Variants in DCC observed in about 807,000 individuals in gnomAD.
The protein encoded by DCC is DCC netrin 1 receptor, also known as netrin receptor DCC.
DCC carries 58 observed loss-of-function variants against 172.5 expected under a neutral mutation model. That is an observed-to-expected ratio of 0.34 (90% confidence interval 0.27 to 0.42). DCC has a LOEUF of 0.42. Ranked by LOEUF, DCC falls within the 10% of genes least tolerant of loss-of-function variation. The pLI is 1.00. For missense variants in DCC, 1,740 were observed against 1,791.0 expected (o/e 0.97, Z 0.51); for synonymous variants, 709 against 644.5 (o/e 1.10, Z -1.52).
At chr18:52,494,264 ATG>A (rs10633986) in intron 1 of DCC, among the ~76,000 whole-genome samples, 9,253 of 147,438 alleles carry the variant, frequency 0.063, 531 homozygotes, top group South Asian at 0.13. Context: ...ATGGTTTGTG[ATG>A]TGTGTGTGTG....
intron 1 of DCC, among the ~76,000 whole-genome samples, chr18:52,583,505 A>G (rs72913000): frequency 0.27 from 41,683 of 152,096 alleles, 6,560 homozygotes; most frequent in Middle Eastern, 0.38. Context: ...ATCTCTTTCT[A>G]TTTATCTATA....
intron 5 of DCC, among the ~76,000 whole-genome samples, chr18:52,952,702 T>C (rs901736319): frequency 6.6e-6 from 1 of 152,146 alleles, no homozygotes; most frequent in Non-Finnish European, 1.5e-5. Context: ...TTCTCACTTA[T>C]TTAAATCCTA....
At chr18:53,076,967 C>A (rs551337625) in intron 7 of DCC, among the ~76,000 whole-genome samples, 151 of 152,246 alleles carry the variant, frequency 9.9e-4, no homozygotes, top group African/African-American at 3.5e-3. Flanking sequence ...CATTTGTGCA[C>A]CTTTATGCCA....
intron 9 of DCC, among the ~76,000 whole-genome samples, chr18:53,197,176 T>C (rs972413677): frequency 1.3e-5 from 2 of 152,110 alleles, no homozygotes; most frequent in African/African-American, 4.8e-5. Context: ...CAATGGAAGC[T>C]GCTGCTTAAA....
chr18:53,480,018 G>A (rs1328241002), intron 25 of DCC, among the ~76,000 whole-genome samples: 2 of 152,120 alleles, frequency 1.3e-5, no homozygotes, highest in Non-Finnish European at 2.9e-5. Flanking sequence ...GGAATTCCAT[G>A]GAACCAGATC....
At position 52,675,432 on chromosome 18, in the gene DCC, C is replaced by G. The variant is rs541511894; in HGVS notation, c.92-76622C>G. On this transcript the variant is annotated intron_variant, in intron 1 of 28. Transcript: ENST00000442544. ...AATCTGCTCTTTAAGCTGGAAGCCC[C>G]CCACACCAACTTCAAGTTGTTCCAC... Among the ~76,000 whole-genome samples, 3 of 152,236 alleles carry G rather than the reference C, an allele frequency of 2.0e-5. No homozygotes were observed. The East Asian group carries it at 5.8e-4, about 29-fold the overall frequency.
chr18:53,177,000 T>TA (rs752997699), intron 8 of DCC, among the ~76,000 whole-genome samples: 1 of 152,030 alleles, frequency 6.6e-6, no homozygotes, highest in East Asian at 1.9e-4. Context: ...TATGCGGCCA[T>TA]AAAAAATGAT....
At chr18:52,859,228 C>A (rs764049901) in intron 2 of DCC, among the ~76,000 whole-genome samples, 3 of 152,152 alleles carry the variant, frequency 2.0e-5, no homozygotes, top group Admixed American at 6.5e-5. Flanking sequence ...GAGAGCTTGA[C>A]TTGCTAATCC....
At chr18:52,444,215 A>G (rs1323558874) in intron 1 of DCC, among the ~76,000 whole-genome samples, 1 of 152,186 alleles carries the variant, frequency 6.6e-6, no homozygotes, top group African/African-American at 2.4e-5. Context: ...TGGCCTGCAG[A>G]ATTCACCTCT....
intron 1 of DCC, among the ~76,000 whole-genome samples, chr18:52,384,982 G>C (rs1018013827): frequency 6.6e-6 from 1 of 152,042 alleles, no homozygotes; most frequent in African/African-American, 2.4e-5. Flanking sequence ...TTAGTTCGTG[G>C]AATAGCTCTC....
chr18:52,764,727 A>C (rs893506081), intron 2 of DCC, among the ~76,000 whole-genome samples: 3 of 151,798 alleles, frequency 2.0e-5, no homozygotes, highest in Admixed American at 6.5e-5. Context: ...TTTCTTTATA[A>C]GTTATCCAAC....
At chr18:53,122,851 C>G (rs2043502305) in intron 7 of DCC, among the ~76,000 whole-genome samples, 1 of 152,028 alleles carries the variant, frequency 6.6e-6, no homozygotes, top group Non-Finnish European at 1.5e-5. Context: ...TCTTTCTGAC[C>G]TTTAGCCTTC....
intron 1 of DCC, among the ~76,000 whole-genome samples, chr18:52,615,341 G>A (rs148374564): frequency 3.0e-4 from 46 of 152,230 alleles, no homozygotes; most frequent in East Asian, 1.5e-3. Context: ...TGCTTCTGCC[G>A]TTTAGATTTA....
chr18:53,330,593 C>T (rs531348266), intron 14 of DCC, among the ~76,000 whole-genome samples: 4 of 152,190 alleles, frequency 2.6e-5, no homozygotes, highest in South Asian at 4.2e-4. Context: ...GATGTCAGTT[C>T]GCTGCTCAGA....
At chr18:52,613,382 A>G (rs554985731) in intron 1 of DCC, among the ~76,000 whole-genome samples, 170 of 152,136 alleles carry the variant, frequency 1.1e-3, no homozygotes, top group African/African-American at 3.8e-3. Flanking sequence ...CAGCCTCCCG[A>G]GTAGCTGGGA....
chr18:52,630,034 G>A (rs917139166), intron 1 of DCC, among the ~76,000 whole-genome samples: 9 of 150,270 alleles, frequency 6.0e-5, no homozygotes, highest in African/African-American at 2.0e-4. Flanking sequence ...GTTGAGGCAG[G>A]AGAACCCAGG....
intron 1 of DCC, among the ~76,000 whole-genome samples, chr18:52,456,097 TC>T (rs1473405988): frequency 6.6e-6 from 1 of 152,182 alleles, no homozygotes; most frequent in Non-Finnish European, 1.5e-5. Context: ...CAACTATCAC[TC>T]CCTTCCTAGT....
chr18:53,179,865 G>A (rs931095497), intron 9 of DCC, among the ~76,000 whole-genome samples: 5 of 151,914 alleles, frequency 3.3e-5, no homozygotes, highest in South Asian at 2.1e-4. Flanking sequence ...GTTTTGTTTC[G>A]CATTAAAAAA....
At chr18:53,188,829 C>T (rs2055325098) in intron 9 of DCC, among the ~76,000 whole-genome samples, 1 of 152,166 alleles carries the variant, frequency 6.6e-6, no homozygotes, top group African/African-American at 2.4e-5. Flanking sequence ...CATTCCTTGG[C>T]TGGTAGCTGC....
Sources: gnomAD v4.1 joint callset for allele counts (sites outside exome capture counted in the v4.1 genomes callset) on GRCh38, gnomAD v4.1.1 for gene constraint, MANE v1.5 for transcripts, NCBI Gene and HGNC (gene_info 2026-07-23, HGNC 2026-07-21) for gene names.